EPHA8: variants seen among roughly 807,000 people sequenced by gnomAD.
The protein encoded by EPHA8 is ephrin type-A receptor 8.
Under a neutral mutation model 103.6 loss-of-function variants are expected in EPHA8, and 58 were observed. That is an observed-to-expected ratio of 0.56 (90% CI 0.45 to 0.70). EPHA8 has a LOEUF of 0.70. Among genes scored for constraint, EPHA8 ranks in the 30% least tolerant of loss-of-function variants. The pLI is 0.00. For synonymous variants in EPHA8, 559 were observed against 572.5 expected (o/e 0.98, Z 0.34); for missense variants, 1,304 against 1,395.2 (o/e 0.93, Z 1.04).
intron 3 of EPHA8, among the ~76,000 whole-genome samples, chr1:22,585,046 T>TGCGC (rs887715708): frequency 9.8e-5 from 11 of 112,432 alleles, no homozygotes; most frequent in African/African-American, 5.3e-4. Context: ...TGTGTGTGTG[T>TGCGC]GTGTGCGCAC....
chr1:22,566,851 A>G (rs1282779054), intron 1 of EPHA8, among the ~76,000 whole-genome samples: 3 of 152,028 alleles, frequency 2.0e-5, no homozygotes, highest in African/African-American at 4.8e-5. Context: ...CACCCATTCA[A>G]GGGGACATGG....
At position 22,600,210 on chromosome 1, in the gene EPHA8, A is replaced by G. The variant is rs1451499013; in HGVS notation, c.2389-451A>G. Among the ~76,000 whole-genome samples, 101 of 126,900 alleles carry G rather than the reference A, an allele frequency of 8.0e-4. 2 individuals carry two copies. The highest frequency in any genetic ancestry group is 1.4e-3 in the Non-Finnish European group (84 of 59,194). The allele number at this position is 126,900 out of a possible 152,430, so 83.3% of individuals were successfully genotyped here. ...GAGGGAAGGAAAGGAGGGAGGGAGG[A>G]AGGTGGGAGGGAAAGAAGAAAGGAG... is the stretch of plus-strand genomic sequence containing the variant. On this transcript the variant is annotated intron_variant, in intron 13 of 16. Transcript: ENST00000166244.
rs777812539 is a variant in EPHA8, at chr1:22,576,460, G to T, written c.403G>T (p.Ala135Ser). Residue 135 changes from alanine to serine, a missense_variant, in exon 3 of 17, where the codon GCC (alanine) becomes TCC (serine). By Grantham distance (99) the Ala-to-Ser change is moderately conservative. Transcript: ENST00000166244. This position sits in a 1 kb window ranked among gnomAD's most constrained non-coding sequence, Gnocchi z 4.8. ...CCTGGAGTCGGACCGCGACCTGGGG[G>T]CCAGCACACAAGAAAGCCAGTTCCT... is the stretch of plus-strand genomic sequence containing the variant. ...YYLESDRDLGASTQESQFLKI... is the reference protein window; with the variant it reads ...YYLESDRDLGSSTQESQFLKI... The T allele has an allele frequency of 3.1e-6, 5 of 1,614,062 alleles. No homozygotes were observed. Among genetic ancestry groups the T allele is most frequent in the Non-Finnish European group, 4.2e-6 (5 of 1,180,038 alleles).
At chr1:22,592,950 G>A (rs1049405747) in intron 5 of EPHA8, among the ~76,000 whole-genome samples, 1 of 152,184 alleles carries the variant, frequency 6.6e-6, no homozygotes, top group African/African-American at 2.4e-5. Context: ...TCCAAACCCA[G>A]GCAGTGAGGG....
chr1:22,595,582 G>A (rs995217930), intron 8 of EPHA8, among the ~76,000 whole-genome samples: 1 of 152,198 alleles, frequency 6.6e-6, no homozygotes, highest in Non-Finnish European at 1.5e-5. Context: ...TAGGACATGA[G>A]CCTAGGTCTG....
chr1:22,597,251 G>A lies in EPHA8; in HGVS notation c.1766-61G>A. On this transcript the variant is annotated intron_variant, in intron 9 of 16. Transcript: ENST00000166244. This position sits in a 1 kb window ranked among gnomAD's most constrained non-coding sequence, Gnocchi z 4.6. ...ACCCCAGACCCATCCCAGGCCCAGGGAATGTCAGGAAAAAGCAATCTCTCC... is the reference window on the plus strand; with the variant it reads ...ACCCCAGACCCATCCCAGGCCCAGGAAATGTCAGGAAAAAGCAATCTCTCC... 7.0e-7 allele frequency: 1 copy of A among 1,427,118 alleles called. No homozygotes were observed. Among genetic ancestry groups the A allele is most frequent in the Non-Finnish European group, 9.5e-7 (1 of 1,047,574 alleles). 88.4% of individuals were successfully genotyped at this position (1,427,118 alleles called of 1,614,324 possible). A position where few individuals can be genotyped will look rare whatever the true frequency, so the allele number is the denominator to read the frequency against.
Position 22,577,291 on chromosome 1 carries a change from T to G in EPHA8, c.823+411T>G, listed in dbSNP as rs209740. Among the ~76,000 whole-genome samples the G allele has an allele frequency of 9.4e-3, 1,435 of 152,260 alleles. 21 individuals carry two copies. Among genetic ancestry groups the G allele is most frequent in the African/African-American group, 0.033 (1,364 of 41,538 alleles). ...TCATTGAATCCTGGCCACTACACTA[T>G]GACGTAGGAACTACTGTTATCCTGG... is the stretch of plus-strand genomic sequence containing the variant. On this transcript the variant is annotated intron_variant, in intron 3 of 16. Coordinates refer to ENST00000166244, the MANE Select transcript of EPHA8 (RefSeq NM_020526.5).
chr1:22,570,355 C>T (rs1640499454), intron 2 of EPHA8, among the ~76,000 whole-genome samples: 2 of 110,960 alleles, frequency 1.8e-5, no homozygotes, highest in African/African-American at 4.9e-5. Flanking sequence ...TGGGTACACA[C>T]ATGCACACAC....
In EPHA8 at chr1:22,584,578, A is replaced by G. The variant is rs890559396; in HGVS notation, c.824-1902A>G. Among the ~76,000 whole-genome samples, 4 of 152,206 alleles carry G rather than the reference A, an allele frequency of 2.6e-5. No individual in the cohort carries two copies. In the East Asian group the frequency reaches 5.8e-4, roughly 22 times the overall value. Reference sequence around the variant, plus strand: ...AACATCCAGAGAAGAAATGCTCTGCAGTGGCCTGATGTCTTTGTAATTGAA... The same window carrying G: ...AACATCCAGAGAAGAAATGCTCTGCGGTGGCCTGATGTCTTTGTAATTGAA... On this transcript the variant is annotated intron_variant, in intron 3 of 16. Transcript: ENST00000166244.
At chr1:22,591,997 G>A (rs1317801450) in intron 5 of EPHA8, among the ~76,000 whole-genome samples, 2 of 152,176 alleles carry the variant, frequency 1.3e-5, no homozygotes, top group Non-Finnish European at 2.9e-5. Flanking sequence ...GAAGCTCCTA[G>A]AGGGATGTCT....
chr1:22,600,905 G>C lies in EPHA8; in HGVS notation c.2546G>C (p.Ser849Thr), dbSNP rs1009623594. 1 of 1,606,942 alleles carries C rather than the reference G, an allele frequency of 6.2e-7. No homozygotes were observed. The highest frequency in any genetic ancestry group is 8.5e-7 in the Non-Finnish European group (1 of 1,176,610). Residue 849 changes from serine to threonine, a missense_variant, in exon 15 of 17, where the codon AGC (serine) becomes ACC (threonine). Coordinates refer to ENST00000166244, the MANE Select transcript of EPHA8 (RefSeq NM_020526.5). ...YWNMTNRDVI[S>T]SVEEGYRLPA... ...AGCGCTGATCCCCTGCAGGTCATCA[G>C]CTCTGTGGAGGAGGGGTACCGCCTG...
chr1:22,576,036 C>A lies in EPHA8; in HGVS notation c.160-181C>A, dbSNP rs1305520117. 6.6e-6 allele frequency among the ~76,000 whole-genome samples: 1 copy of A among 151,844 alleles called. No homozygotes were observed. Among genetic ancestry groups the A allele is most frequent in the Non-Finnish European group, 1.5e-5 (1 of 67,978 alleles). On this transcript the variant is annotated intron_variant, in intron 2 of 16. Coordinates refer to ENST00000166244, the MANE Select transcript of EPHA8 (RefSeq NM_020526.5). This position sits in a 1 kb window ranked among gnomAD's most constrained non-coding sequence, Gnocchi z 4.8. The stretch of plus-strand genomic sequence containing the variant: ...CAAGAGTTAGTAAATAACACTTCCC[C>A]TGAAGATCGTGGCCCTCTTCGAGAT...
At position 22,602,952 on chromosome 1, in the gene EPHA8, C is replaced by G. The variant is rs751406741; in HGVS notation, c.*1211C>G. ...CTCCCCTCTCACACTGACCTCCCCCCTTACGGCCCACCAGGGTATGTAAAT... is the reference window on the plus strand; with the variant it reads ...CTCCCCTCTCACACTGACCTCCCCCGTTACGGCCCACCAGGGTATGTAAAT... On this transcript the variant is annotated 3_prime_UTR_variant, in exon 17 of 17. Coordinates refer to ENST00000166244, the MANE Select transcript of EPHA8 (RefSeq NM_020526.5). The G allele has an allele frequency of 1.3e-5, 2 of 152,604 alleles. No individual in the cohort carries two copies. The highest frequency in any genetic ancestry group is 1.3e-4 in the Admixed American group (2 of 15,288). The allele number at this position is 152,604 out of a possible 1,614,324, so 9.5% of individuals were successfully genotyped here.
chr1:22,568,159 A>C (rs209749), intron 1 of EPHA8, among the ~76,000 whole-genome samples: 36,157 of 152,104 alleles, frequency 0.24, 5,917 homozygotes, highest in African/African-American at 0.48. Flanking sequence ...GCTTCACGTA[A>C]TTTCCTGACC....
At position 22,576,223 on chromosome 1, in the gene EPHA8, T is replaced by C; in HGVS notation, c.166T>C (p.Ser56Pro). 1 of 1,606,138 alleles carries C rather than the reference T, an allele frequency of 6.2e-7. No homozygotes were observed. ...GTGTTCTCTCTGCCCACAGTGGGAC[T>C]CCATCAACGAGGTGGACGAGTCCTT... The part of the protein sequence containing the change: ...WLTYPAHGWD[S>P]INEVDESFQP... The change falls in exon 3 of 17, where the codon TCC becomes CCC. Residue 56 changes from serine (S) to proline (P), a missense_variant. Coordinates refer to ENST00000166244, the MANE Select transcript of EPHA8 (RefSeq NM_020526.5). The surrounding 1 kb of genome is among the most constrained non-coding windows in gnomAD (Gnocchi z 4.8).
chr1:22,586,786 G>GGGC (rs2148249758), intron 4 of EPHA8, 151 bp downstream of exon 4: 7 of 993,996 alleles, frequency 7.0e-6, no homozygotes, highest in South Asian at 5.1e-5. Flanking sequence ...GAGGTGGGGG[G>GGGC]GGTGACTCTG....
chr1:22,567,161 C>T lies in EPHA8; in HGVS notation c.95-2128C>T, dbSNP rs932847468. 2.0e-5 allele frequency among the ~76,000 whole-genome samples: 3 copies of T among 152,116 alleles called. No homozygotes were observed. The highest frequency in any genetic ancestry group is 1.5e-5 in the Non-Finnish European group (1 of 68,006). On this transcript the variant is annotated intron_variant, in intron 1 of 16. Transcript: ENST00000166244. This position sits in a 1 kb window ranked among gnomAD's most constrained non-coding sequence, Gnocchi z 4.2. ...CAGTGGACATCCACTTGAGTGGCTC[C>T]GGGATAGGGACAGGTCTGGGCTGCA...
In EPHA8 at chr1:22,596,138, C is replaced by G; in HGVS notation, c.1730C>G (p.Ser577Trp). 1 of 1,613,894 alleles carries G rather than the reference C, an allele frequency of 6.2e-7. No individual in the cohort carries two copies. Residue 577 changes from serine to tryptophan, a missense_variant, in exon 9 of 17, where the codon TCG becomes TGG. Coordinates refer to ENST00000166244, the MANE Select transcript of EPHA8 (RefSeq NM_020526.5). ...HCGYSKAFQD[S>W]DEEKMHYQNG... ...GGCTACAGCAAGGCCTTCCAGGACT[C>G]GGACGAGGAGAAGATGCACTATCAG... is the stretch of plus-strand genomic sequence containing the variant.
chr1:22,586,723 T>C, intron 4 of EPHA8, 88 bp downstream of exon 4: 1 of 1,519,246 alleles, frequency 6.6e-7, no homozygotes, highest in Non-Finnish European at 9.0e-7. Context: ...AGAGAGCCAG[T>C]TCTCTGCTGG....
Sources: gnomAD v4.1 joint callset for allele counts (sites outside exome capture counted in the v4.1 genomes callset) on GRCh38, gnomAD v4.1.1 for gene constraint, Gnocchi (gnomAD v3.1) non-coding constraint, MANE v1.5 for transcripts, NCBI Gene and HGNC (gene_info 2026-07-23, HGNC 2026-07-21) for gene names.